The following CAPN11 variants were observed in gnomAD, a reference collection of about 807,000 sequenced individuals.
The protein encoded by CAPN11 is calpain-11.
Under a neutral mutation model 105.3 loss-of-function variants are expected in CAPN11, and 108 were observed. That is an observed-to-expected ratio of 1.03 (90% CI 0.88 to 1.20). CAPN11 has a LOEUF of 1.20. CAPN11 is among the 50% of genes most tolerant of loss of function. The probability of loss-of-function intolerance (pLI) is 0.00; values close to 1 mark genes in which losing one functional copy is unlikely to be tolerated. For synonymous variants in CAPN11, 329 were observed against 344.5 expected, an observed-to-expected ratio of 0.96 and a Z score of 0.50; for missense variants, 883 against 924.8, an observed-to-expected ratio of 0.95 and a Z score of 0.59.
chr6:44,179,521 C>A, intron 12 of CAPN11, 98 bp from the exon 13 acceptor site: 1 of 1,092,342 alleles, frequency 9.2e-7, no homozygotes. Flanking sequence ...ACAACACACA[C>A]ACACAGACAC....
chr6:44,165,032 G>T (rs1267061907), intron 1 of CAPN11, among the ~76,000 whole-genome samples: 1 of 152,118 alleles, frequency 6.6e-6, no homozygotes, highest in African/African-American at 2.4e-5. Context: ...GGGACCACAG[G>T]TGTGCACCAC....
chr6:44,175,207 C>T (rs146661899), intron 7 of CAPN11, among the ~76,000 whole-genome samples: 502 of 152,232 alleles, frequency 3.3e-3, no homozygotes, highest in Non-Finnish European at 6.1e-3. Flanking sequence ...GGGCTGGGCA[C>T]GGTGCCTCAC....
intron 1 of CAPN11, among the ~76,000 whole-genome samples, chr6:44,159,473 G>A (rs1341317488): frequency 6.6e-6 from 1 of 152,044 alleles, no homozygotes; most frequent in East Asian, 1.9e-4. Context: ...GCCTTGGCCA[G>A]CAGAAGGTCA....
At chr6:44,181,124 C>T (rs141801483) in intron 18 of CAPN11, 127 bp downstream of exon 18, 2 of 1,201,174 alleles carry the variant, frequency 1.7e-6, no homozygotes, top group East Asian at 4.7e-5. Flanking sequence ...GCAGAAGATG[C>T]CAGTTCTTCT....
chr6:44,172,383 G>A lies in CAPN11; in HGVS notation c.491G>A (p.Ser164Asn). Residue 164 changes from serine (S) to asparagine (N), a missense_variant, in exon 5 of 23, where the codon AGC becomes AAC. Coordinates refer to ENST00000398776, the MANE Select transcript of CAPN11 (RefSeq NM_007058.4). ...TACCGCGTGGTGCCCAGAGGACAGA[G>A]CTTCAAGAAAAACTATGCTGGCATC... ...LLYRVVPRGQ[S>N]FKKNYAGIFH... 1 of 1,559,990 alleles carries A rather than the reference G, an allele frequency of 6.4e-7. No homozygotes were observed. Among genetic ancestry groups the A allele is most frequent in the South Asian group, 1.2e-5 (1 of 84,380 alleles).
At chr6:44,180,388 C>T in intron 14 of CAPN11, 72 bp from the exon 15 acceptor site, 1 of 1,433,346 alleles carries the variant, frequency 7.0e-7, no homozygotes, top group South Asian at 1.2e-5. Context: ...TGACATGACC[C>T]CCAGAGCACC....
chr6:44,176,704 C>A, intron 10 of CAPN11, 49 bp downstream of exon 10: 1 of 1,558,908 alleles, frequency 6.4e-7, no homozygotes, highest in East Asian at 2.3e-5. Context: ...AGGCCCTGGT[C>A]CTTCATCTCC....
chr6:44,177,180 C>T (rs1323052389), intron 11 of CAPN11, 62 bp from the exon 12 acceptor site: 1 of 1,523,314 alleles, frequency 6.6e-7, no homozygotes, highest in Non-Finnish European at 8.9e-7. Flanking sequence ...CTCGGTCCAC[C>T]CTGGGAAGGG....
chr6:44,177,245 C>T lies in CAPN11; in HGVS notation c.1241C>T (p.Thr414Met), dbSNP rs770494419. ...CGCTGACCCACTTCCGCCACAGGCA[C>T]GTTCTGGACCAACCCCCAGTTTAAG... is the stretch of plus-strand genomic sequence containing the variant. The part of the protein sequence containing the change: ...SAGGCRNHPG[T>M]FWTNPQFKIS... Residue 414 changes from threonine to methionine, a missense_variant, in exon 12 of 23, where the codon ACG becomes ATG. Transcript: ENST00000398776. 5.1e-6 allele frequency: 8 copies of T among 1,580,948 alleles called. No homozygotes were observed. The highest frequency in any genetic ancestry group is 3.7e-5 in the Admixed American group (2 of 53,566).
chr6:44,172,440 C>G lies in CAPN11; in HGVS notation c.528+20C>G. ...TTTCAGGTGAAGGACAGTGTGAGAGCCACTGTGGCTTTGTTGGGGGCGGGG... is the reference window on the plus strand; with the variant it reads ...TTTCAGGTGAAGGACAGTGTGAGAGGCACTGTGGCTTTGTTGGGGGCGGGG... On this transcript the variant is annotated intron_variant, in intron 5 of 22. Transcript: ENST00000398776. 1 of 1,418,276 alleles carries G rather than the reference C, an allele frequency of 7.1e-7. No homozygotes were observed. The highest frequency in any genetic ancestry group is 9.7e-7 in the Non-Finnish European group (1 of 1,031,450). The allele number at this position is 1,418,276 out of a possible 1,614,324, so 87.9% of individuals were successfully genotyped here.
chr6:44,160,737 T>C (rs1768634068), intron 1 of CAPN11, among the ~76,000 whole-genome samples: 1 of 152,238 alleles, frequency 6.6e-6, no homozygotes. Flanking sequence ...TCATGCCTTT[T>C]AACATGCAGC....
intron 1 of CAPN11, among the ~76,000 whole-genome samples, chr6:44,165,573 G>A (rs73429767): frequency 0.018 from 2,744 of 152,284 alleles, 92 homozygotes; most frequent in African/African-American, 0.063. Flanking sequence ...TAGTGACAGG[G>A]TCTGGGAAGA....
At chr6:44,182,510 T>C (rs1773946625) in intron 19 of CAPN11, among the ~76,000 whole-genome samples, 1 of 152,238 alleles carries the variant, frequency 6.6e-6, no homozygotes, top group Non-Finnish European at 1.5e-5. Context: ...GGTCACCAGA[T>C]GATAGGAATA....
In CAPN11 at chr6:44,184,024, C is replaced by T. The variant is rs566363830; in HGVS notation, c.*92C>T. ...GGGGTGCTTCTTGTAGCCCTCAGCT[C>T]TCCGGTCTCTGCTGATGAAATGGGC... On this transcript the variant is annotated 3_prime_UTR_variant, in exon 23 of 23. Transcript: ENST00000398776. 290 of 1,408,700 alleles carry T rather than the reference C, an allele frequency of 2.1e-4. No individual in the cohort carries two copies. In the African/African-American group the frequency reaches 3.5e-3, roughly 17 times the overall value. 87.3% of individuals were successfully genotyped at this position (1,408,700 alleles called of 1,614,324 possible).
rs1317557541 is a variant in CAPN11, at chr6:44,180,053, C to G, written c.1530C>G (p.Ser510Arg). Residue 510 changes from serine (S) to arginine (R), a missense_variant, in exon 14 of 23, where the codon AGC (serine) becomes AGG (arginine). Transcript: ENST00000398776. ...TCACCAACTCACGGGAGGTGAGCAGCCAACTCCGGCTGCCTCCGGGGGAAT... is the reference window on the plus strand; with the variant it reads ...TCACCAACTCACGGGAGGTGAGCAGGCAACTCCGGCTGCCTCCGGGGGAAT... ...EIFTNSREVSSQLRLPPGEYI... is the reference protein window; with the variant it reads ...EIFTNSREVSRQLRLPPGEYI... 6.2e-7 allele frequency: 1 copy of G among 1,613,134 alleles called. No individual in the cohort carries two copies. Among genetic ancestry groups the G allele is most frequent in the South Asian group, 1.1e-5 (1 of 91,056 alleles).
chr6:44,182,440 C>G (rs1773930855), intron 19 of CAPN11, among the ~76,000 whole-genome samples: 1 of 152,192 alleles, frequency 6.6e-6, no homozygotes, highest in South Asian at 2.1e-4. Context: ...AGGATGCACA[C>G]AAAGAGCGCT....
At chr6:44,179,540 C>G (rs1362897184) in intron 12 of CAPN11, 79 bp from the exon 13 acceptor site, 1 of 1,251,876 alleles carries the variant, frequency 8.0e-7, no homozygotes, top group Non-Finnish European at 1.2e-6. Flanking sequence ...ACACACTATA[C>G]ACATCCCACT....
At chr6:44,160,641 C>T (rs1482813269) in intron 1 of CAPN11, among the ~76,000 whole-genome samples, 1 of 152,082 alleles carries the variant, frequency 6.6e-6, no homozygotes, top group Non-Finnish European at 1.5e-5. Flanking sequence ...AAAACAACAA[C>T]AACAACAACA....
Position 44,183,828 on chromosome 6 carries a change from C to G in CAPN11, c.2193+65C>G, listed in dbSNP as rs530999482. The stretch of plus-strand genomic sequence containing the variant: ...CCTGCCTGCCCCTCAACCCCACCCC[C>G]ACCCAGCTCTGATGTCCCCGGGCCA... On this transcript the variant is annotated intron_variant, in intron 22 of 22. Coordinates refer to ENST00000398776, the MANE Select transcript of CAPN11 (RefSeq NM_007058.4). 1.2e-5 allele frequency: 19 copies of G among 1,575,700 alleles called. No individual in the cohort carries two copies. In the East Asian group the frequency reaches 3.4e-4, roughly 28 times the overall value.
Sources: allele counts gnomAD v4.1 joint callset (sites outside exome capture counted in the v4.1 genomes callset), GRCh38; gene constraint gnomAD v4.1.1; transcripts MANE v1.5; gene names NCBI Gene and HGNC (gene_info 2026-07-23, HGNC 2026-07-21).